ATG3: variants seen among roughly 807,000 people sequenced by gnomAD.
ATG3 encodes the protein ubiquitin-like-conjugating enzyme ATG3.
Under a neutral mutation model 50.7 loss-of-function variants are expected in ATG3, and 25 were observed. The ratio of observed to expected loss-of-function variants is 0.49; its 90% CI spans 0.36 to 0.69. The LOEUF is 0.69. ATG3 is among the 30% of genes least tolerant of loss of function. ATG3 has a pLI of 0.00. For synonymous variants in ATG3, 119 were observed against 125.5 expected, an observed-to-expected ratio of 0.95 and a Z score of 0.34; for missense variants, 281 against 376.0, an observed-to-expected ratio of 0.75 and a Z score of 2.09.
rs954305072 is a variant in ATG3, at chr3:112,533,565, T to A, written c.863+704A>T. Reference sequence around the variant, plus strand: ...GGCATCTTAGTCTCCACATCTAATCTAACACATAGTAGCCGAAACCACCAC... The same window carrying A: ...GGCATCTTAGTCTCCACATCTAATCAAACACATAGTAGCCGAAACCACCAC... On this transcript the variant is annotated intron_variant, in intron 11 of 11. Coordinates refer to ENST00000283290, the MANE Select transcript of ATG3 (RefSeq NM_022488.5). 11 of 985,204 alleles carry A rather than the reference T, an allele frequency of 1.1e-5. No homozygotes were observed. In the African/African-American group the frequency reaches 1.7e-4, roughly 16 times the overall value. The allele number at this position is 985,204 out of a possible 1,614,324, so 61.0% of individuals were successfully genotyped here.
intron 6 of ATG3, among the ~76,000 whole-genome samples, chr3:112,543,577 TAC>T (rs1933290079): frequency 6.6e-6 from 1 of 152,026 alleles, no homozygotes; most frequent in African/African-American, 2.4e-5. Context: ...TTGAAGAAAA[TAC>T]AGAGAGAATG....
At chr3:112,548,467 C>T in intron 5 of ATG3, 66 bp downstream of exon 5, 1 of 1,304,422 alleles carries the variant, frequency 7.7e-7, no homozygotes, top group Non-Finnish European at 1.1e-6. Flanking sequence ...TAAATCAAGG[C>T]TATTATAAAA....
At chr3:112,534,008 T>C in intron 11 of ATG3, 2 of 1,198,032 alleles carry the variant, frequency 1.7e-6, no homozygotes, top group Non-Finnish European at 2.1e-6. Context: ...AAGATACTCA[T>C]ATTATTATTC....
intron 2 of ATG3, 58 bp downstream of exon 2, chr3:112,558,317 GC>G: frequency 7.8e-7 from 1 of 1,279,572 alleles, no homozygotes; most frequent in Non-Finnish European, 1.1e-6. Context: ...AAGCAGAAAA[GC>G]CACCTAGTTT....
intron 11 of ATG3, chr3:112,533,140 G>A (rs1270105032): frequency 2.0e-6 from 2 of 994,506 alleles, no homozygotes; most frequent in Non-Finnish European, 2.4e-6. Context: ...AAATGAGGCA[G>A]AATAGACTAT....
intron 7 of ATG3, among the ~76,000 whole-genome samples, chr3:112,540,823 T>C (rs1933205228): frequency 1.3e-5 from 2 of 152,164 alleles, no homozygotes; most frequent in Non-Finnish European, 2.9e-5. Flanking sequence ...GTAATAAAGA[T>C]AAACTGGATT....
At position 112,533,108 on chromosome 3, in the gene ATG3, A is replaced by G. The variant is rs1000635385; in HGVS notation, c.864-328T>C. On this transcript the variant is annotated intron_variant, in intron 11 of 11. Coordinates refer to ENST00000283290, the MANE Select transcript of ATG3 (RefSeq NM_022488.5). ...TGTACTCATTTACTAGACTCCTTTA[A>G]GTTTGCTAGAGTTATGTCAGAAAAT... The G allele has an allele frequency of 6.0e-6, 6 of 1,001,394 alleles. No homozygotes were observed. The African/African-American group carries it at 8.7e-5, about 14-fold the overall frequency. 62.0% of individuals were successfully genotyped at this position (1,001,394 alleles called of 1,614,324 possible). A position where few individuals can be genotyped will look rare whatever the true frequency, so the allele number is the denominator to read the frequency against.
intron 1 of ATG3, among the ~76,000 whole-genome samples, chr3:112,558,786 G>C (rs1349537559): frequency 6.6e-6 from 1 of 151,428 alleles, no homozygotes. Context: ...GCCCAGGCTG[G>C]AGTGCAGTGG....
intron 1 of ATG3, 57 bp downstream of exon 1, chr3:112,561,400 G>T: frequency 1.3e-6 from 2 of 1,566,640 alleles, no homozygotes. Flanking sequence ...GCGGCGCCTG[G>T]TCCCTGAAAA....
chr3:112,541,971 C>T (rs879781902), intron 6 of ATG3, 87 bp from the exon 7 acceptor site: 2 of 981,882 alleles, frequency 2.0e-6, no homozygotes, highest in African/African-American at 3.3e-5. Context: ...GTGGTAACCA[C>T]TGTGAAAATA....
chr3:112,561,476 T>C lies in ATG3; in HGVS notation c.53A>G (p.Tyr18Cys). Residue 18 changes from tyrosine to cysteine, a missense_variant, in exon 1 of 12, where the codon TAC (tyrosine) becomes TGC (cysteine). Around this residue, in one of 3 missense-constraint regions of ATG3, gnomAD observed 22 missense variants for 22.7 expected, o/e 0.97. Transcript: ENST00000283290. ...VKGKALEVAE[Y>C]LTPVLKESKF... Reference sequence around the variant, plus strand: ...GCTTACCTTGAGGACCGGGGTCAGGTACTCAGCCACTTCCAGTGCCTTTCC... The same window carrying C: ...GCTTACCTTGAGGACCGGGGTCAGGCACTCAGCCACTTCCAGTGCCTTTCC... The C allele has an allele frequency of 6.2e-7, 1 of 1,610,518 alleles. No individual in the cohort carries two copies. The highest frequency in any genetic ancestry group is 8.5e-7 in the Non-Finnish European group (1 of 1,178,086).
intron 6 of ATG3, 26 bp from the exon 7 acceptor site, chr3:112,541,910 C>T (rs1933239469): frequency 1.9e-6 from 3 of 1,556,418 alleles, no homozygotes; most frequent in South Asian, 1.1e-5. Context: ...TATTTAAAAT[C>T]ACTTAAGTAT....
chr3:112,544,772 C>T (rs771360090), intron 5 of ATG3, among the ~76,000 whole-genome samples: 13 of 151,438 alleles, frequency 8.6e-5, no homozygotes, highest in Non-Finnish European at 1.6e-4. Context: ...TTAATATAGG[C>T]TGATTATCCC....
At chr3:112,534,018 C>G (rs1576711331) in intron 11 of ATG3, 1 of 1,209,928 alleles carries the variant, frequency 8.3e-7, no homozygotes, top group African/African-American at 1.6e-5. Context: ...TATTATTATT[C>G]TAAATTAGTA....
rs1359354421 is a variant in ATG3 at position 112,561,681 on chromosome 3, G to GGCGGGACGA, written c.-162_-154dup. On this transcript the variant is annotated 5_prime_UTR_variant, in exon 1 of 12. Coordinates refer to ENST00000283290, the MANE Select transcript of ATG3 (RefSeq NM_022488.5). ...GGACGGGACGCGACGCGACGGGACGGGCGGGACGAGGGGGCGGGGCGGCAG... is the reference window on the plus strand; with the variant it reads ...GGACGGGACGCGACGCGACGGGACGGGCGGGACGAGCGGGACGAGGGGGCGGGGCGGCAG... The GGCGGGACGA allele has an allele frequency of 1.1e-4, 80 of 742,194 alleles. No individual in the cohort carries two copies. The highest frequency in any genetic ancestry group is 2.8e-5 in the Non-Finnish European group (13 of 469,398). 46.0% of individuals were successfully genotyped at this position (742,194 alleles called of 1,614,324 possible). A position where few individuals can be genotyped will look rare whatever the true frequency, so the allele number is the denominator to read the frequency against.
At chr3:112,543,146 G>C (rs1253279096) in intron 6 of ATG3, among the ~76,000 whole-genome samples, 2 of 151,814 alleles carry the variant, frequency 1.3e-5, no homozygotes, top group Non-Finnish European at 2.9e-5. Flanking sequence ...AACACACAAA[G>C]AATATCTTTA....
At chr3:112,558,108 A>C in intron 2 of ATG3, 1 of 418,696 alleles carries the variant, frequency 2.4e-6, no homozygotes, top group Non-Finnish European at 4.3e-6. Context: ...AGTCAAGGAT[A>C]AGTGACATAG....
chr3:112,546,219 T>C (rs1576720850), intron 5 of ATG3, among the ~76,000 whole-genome samples: 2 of 152,170 alleles, frequency 1.3e-5, no homozygotes, highest in South Asian at 4.1e-4. Flanking sequence ...ACCTATGCAA[T>C]AGTCCTCACT....
At chr3:112,542,096 G>A (rs1933247680) in intron 6 of ATG3, among the ~76,000 whole-genome samples, 1 of 150,602 alleles carries the variant, frequency 6.6e-6, no homozygotes, top group African/African-American at 2.5e-5. Flanking sequence ...AAATAACAAA[G>A]GTTATTATGG....
Sources: gnomAD v4.1 joint callset for allele counts (sites outside exome capture counted in the v4.1 genomes callset) on GRCh38, gnomAD v4.1.1 for gene constraint, gnomAD v4.1.1 regional missense constraint, MANE v1.5 for transcripts, NCBI Gene and HGNC (gene_info 2026-07-23, HGNC 2026-07-21) for gene names.